The following SLMAP variants were observed in gnomAD, a reference collection of about 807,000 sequenced individuals.
SLMAP encodes sarcolemma associated protein.
In SLMAP, 44 loss-of-function variants were observed where a neutral mutation model predicts 128.8. The ratio of observed to expected loss-of-function variants is 0.34; its 90% CI spans 0.27 to 0.44. SLMAP has a LOEUF of 0.44. Ranked by LOEUF, SLMAP falls within the 20% of genes least tolerant of loss-of-function variation. The pLI is 1.00. For synonymous variants in SLMAP, 327 were observed against 348.8 expected, an observed-to-expected ratio of 0.94 and a Z score of 0.70; for missense variants, 787 against 985.3, an observed-to-expected ratio of 0.80 and a Z score of 2.69.
chr3:57,780,597 A>G (rs550886432), intron 2 of SLMAP, among the ~76,000 whole-genome samples: 1 of 152,210 alleles, frequency 6.6e-6, no homozygotes, highest in South Asian at 2.1e-4. Context: ...TGATTCATCA[A>G]GCTATACACT....
intron 17 of SLMAP, chr3:57,900,153 G>A (rs1452778316): frequency 6.6e-6 from 1 of 152,038 alleles, no homozygotes; most frequent in Non-Finnish European, 1.5e-5. Flanking sequence ...CAAACTTTGT[G>A]CCTGACTTCC....
intron 3 of SLMAP, among the ~76,000 whole-genome samples, chr3:57,836,550 C>G (rs569044733): frequency 1.1e-4 from 16 of 152,042 alleles, no homozygotes; most frequent in Non-Finnish European, 2.4e-4. Flanking sequence ...GTTACCCAGG[C>G]TGGTCTCGAA....
chr3:57,906,688 T>G (rs1198256494), intron 17 of SLMAP, among the ~76,000 whole-genome samples: 5 of 147,294 alleles, frequency 3.4e-5, no homozygotes, highest in African/African-American at 7.4e-5. Context: ...TATATATATA[T>G]ATATATATAT....
At chr3:57,778,998 A>G (rs2082467186) in intron 2 of SLMAP, among the ~76,000 whole-genome samples, 1 of 152,126 alleles carries the variant, frequency 6.6e-6, no homozygotes, top group Non-Finnish European at 1.5e-5. Context: ...GTGTTCAAGC[A>G]TGTTTATAGT....
In SLMAP at chr3:57,847,314, A is replaced by T. The variant is rs2094303040; in HGVS notation, c.456+81A>T. 4.1e-6 allele frequency: 4 copies of T among 970,942 alleles called. No individual in the cohort carries two copies. The South Asian group carries it at 5.6e-5, about 14-fold the overall frequency. 60.1% of individuals were successfully genotyped at this position (970,942 alleles called of 1,614,324 possible). A position where few individuals can be genotyped will look rare whatever the true frequency, so the allele number is the denominator to read the frequency against. On this transcript the variant is annotated intron_variant, in intron 5 of 24. Coordinates refer to ENST00000671191, the MANE Select transcript of SLMAP (RefSeq NM_001377540.1). ...TGTTTGTTTTTAATATGCTTTACCT[A>T]GAAATTTATTTCTCTTTTATAACAA...
intron 17 of SLMAP, chr3:57,900,199 T>G (rs6445933): frequency 6.6e-6 from 1 of 151,896 alleles, no homozygotes; most frequent in Non-Finnish European, 1.5e-5. Flanking sequence ...TCCCCTTTTT[T>G]AAAAAATAGC....
intron 14 of SLMAP, among the ~76,000 whole-genome samples, chr3:57,878,124 T>A (rs1448697903): frequency 6.6e-6 from 1 of 152,142 alleles, no homozygotes; most frequent in Non-Finnish European, 1.5e-5. Context: ...ATTACAGGCA[T>A]GAGCCACTGC....
chr3:57,871,619 G>A lies in SLMAP; in HGVS notation c.1238-17G>A, dbSNP rs1553902019. On this transcript the variant is annotated splice_polypyrimidine_tract_variant and intron_variant, in intron 13 of 24. Transcript: ENST00000671191. Reference sequence around the variant, plus strand: ...AGCAACAAACTATATCCTTAAAGGTGTTTCTTTCTTTATTAGAGCACTTGC... The same window carrying A: ...AGCAACAAACTATATCCTTAAAGGTATTTCTTTCTTTATTAGAGCACTTGC... 9.3e-6 allele frequency: 15 copies of A among 1,605,576 alleles called. No individual in the cohort carries two copies. Among genetic ancestry groups the A allele is most frequent in the African/African-American group, 1.3e-5 (1 of 74,674 alleles).
chr3:57,887,166 A>T (rs2153644226), intron 14 of SLMAP, among the ~76,000 whole-genome samples: 1 of 152,300 alleles, frequency 6.6e-6, no homozygotes, highest in Admixed American at 6.5e-5. Context: ...AACCTTCTAG[A>T]GAGAAACAAA....
At chr3:57,851,951 C>G (rs2094520538) in intron 6 of SLMAP, among the ~76,000 whole-genome samples, 1 of 151,934 alleles carries the variant, frequency 6.6e-6, no homozygotes, top group South Asian at 2.1e-4. Context: ...TGCTCTGTTG[C>G]CCAGGCTGGA....
intron 5 of SLMAP, among the ~76,000 whole-genome samples, chr3:57,849,231 A>G (rs146107060): frequency 1.7e-4 from 26 of 152,188 alleles, no homozygotes; most frequent in African/African-American, 5.3e-4. Context: ...ATGGTTCTAT[A>G]TTCTACAGCC....
chr3:57,777,015 T>G (rs1342827582), intron 2 of SLMAP, among the ~76,000 whole-genome samples: 1 of 148,796 alleles, frequency 6.7e-6, no homozygotes, highest in Non-Finnish European at 1.5e-5. Context: ...GCCTGTCATG[T>G]AGTAGATGGT....
intron 3 of SLMAP, among the ~76,000 whole-genome samples, chr3:57,838,632 A>G (rs533707264): frequency 7.1e-6 from 1 of 141,286 alleles, no homozygotes; most frequent in African/African-American, 2.5e-5. Flanking sequence ...AAATAGATAT[A>G]GGAGGCTCTG....
intron 2 of SLMAP, among the ~76,000 whole-genome samples, chr3:57,766,419 T>C (rs769761442): frequency 6.6e-6 from 1 of 152,090 alleles, no homozygotes; most frequent in African/African-American, 2.4e-5. Context: ...GTGAAAAGAT[T>C]GTGAAGTTAA....
chr3:57,858,717 C>T (rs537837414), intron 8 of SLMAP, among the ~76,000 whole-genome samples: 68 of 152,046 alleles, frequency 4.5e-4, no homozygotes, highest in Middle Eastern at 3.4e-3. Context: ...ATGAGGCGGG[C>T]GAATCACCTG....
intron 17 of SLMAP, among the ~76,000 whole-genome samples, chr3:57,905,551 T>G (rs4681654): frequency 0.31 from 47,218 of 151,986 alleles, 7,717 homozygotes; most frequent in East Asian, 0.48. Context: ...AAAGTACTGG[T>G]ATTACAGGTG....
chr3:57,894,236 T>C (rs184899150), intron 15 of SLMAP, among the ~76,000 whole-genome samples: 47 of 152,264 alleles, frequency 3.1e-4, no homozygotes, highest in Admixed American at 8.5e-4. Flanking sequence ...GATGTCTCTG[T>C]TGTAGATCCT....
chr3:57,763,463 C>T lies in SLMAP; in HGVS notation c.198+5614C>T, dbSNP rs1022036923. Among the ~76,000 whole-genome samples, 10 of 151,890 alleles carry T rather than the reference C, an allele frequency of 6.6e-5. No homozygotes were observed. In the East Asian group the frequency reaches 7.8e-4, roughly 12 times the overall value. On this transcript the variant is annotated intron_variant, in intron 2 of 24. Coordinates refer to ENST00000671191, the MANE Select transcript of SLMAP (RefSeq NM_001377540.1). ...CTACTGTTTTTTATTTTAGTAGAAA[C>T]GGGGTTTCACCATGTTGCACAAGCT...
chr3:57,814,173 G>A lies in SLMAP; in HGVS notation c.199-17210G>A, dbSNP rs181490110. 2.3e-3 allele frequency among the ~76,000 whole-genome samples: 351 copies of A among 151,450 alleles called. 1 individual carries two copies. The highest frequency in any genetic ancestry group is 7.8e-3 in the African/African-American group (321 of 41,204). On this transcript the variant is annotated intron_variant, in intron 2 of 24. Coordinates refer to ENST00000671191, the MANE Select transcript of SLMAP (RefSeq NM_001377540.1). Reference sequence around the variant, plus strand: ...CCCCTCTCTCAGGGTGAACCCATCCGAGGGTGTCCTTCAGTTGCCTGCCTG... The same window carrying A: ...CCCCTCTCTCAGGGTGAACCCATCCAAGGGTGTCCTTCAGTTGCCTGCCTG...
Sources: gnomAD v4.1 joint callset for allele counts (sites outside exome capture counted in the v4.1 genomes callset) on GRCh38, gnomAD v4.1.1 for gene constraint, MANE v1.5 for transcripts, NCBI Gene and HGNC (gene_info 2026-07-23, HGNC 2026-07-21) for gene names.